The following ABCG2 variants were observed in gnomAD, a reference collection of about 807,000 sequenced individuals.
ABCG2 encodes ATP binding cassette subfamily G member 2 (JR blood group).
Under a neutral mutation model 73.5 loss-of-function variants are expected in ABCG2, and 80 were observed. The ratio of observed to expected loss-of-function variants is 1.09; its 90% CI spans 0.91 to 1.31. The LOEUF (loss-of-function observed/expected upper bound fraction) is 1.31. Ranked by LOEUF, ABCG2 falls within the 50% of genes most tolerant of loss-of-function variation. The probability of loss-of-function intolerance (pLI) is 0.00; values close to 1 mark genes in which losing one functional copy is unlikely to be tolerated. For synonymous variants in ABCG2, 269 were observed against 282.4 expected, an observed-to-expected ratio of 0.95 and a Z score of 0.48; for missense variants, 796 against 786.2, an observed-to-expected ratio of 1.01 and a Z score of -0.15.
upstream of ABCG2, chr4:88,159,399 T>C: frequency 2.8e-6 from 1 of 351,268 alleles, no homozygotes; most frequent in African/African-American, 2.2e-5. Context: ...GCACTGAATC[T>C]AACCCAAGGA....
chr4:88,139,978 G>T lies in ABCG2; in HGVS notation c.18C>A (p.Val6=), dbSNP rs145881726. 1 of 1,613,960 alleles carries T rather than the reference G, an allele frequency of 6.2e-7. No homozygotes were observed. Among genetic ancestry groups the T allele is most frequent in the East Asian group, 2.2e-5 (1 of 44,880 alleles). Residue 6 remains valine (V), a synonymous_variant, in exon 2 of 16, where the codon GTC becomes GTA. Transcript: ENST00000237612. ...CTTGTGACACTGGGATAAAAACTTC[G>T]ACATTACTGGAAGACATCTGGAGAG... MSSSN[V]EVFIPVSQGN... is the part of the protein sequence containing the mutation.
In ABCG2 at chr4:88,143,600, G is replaced by C. The variant is rs45451603; in HGVS notation, c.-19-3586C>G. Among the ~76,000 whole-genome samples, 164 of 152,236 alleles carry C rather than the reference G, an allele frequency of 1.1e-3. 1 individual carries two copies. Among genetic ancestry groups the C allele is most frequent in the African/African-American group, 3.5e-3 (147 of 41,536 alleles). On this transcript the variant is annotated intron_variant, in intron 1 of 15. Coordinates refer to ENST00000237612, the MANE Select transcript of ABCG2 (RefSeq NM_004827.3). ...TCACAATCTTAGAAGTGCCTGCAGAGAAAGAGTTTGCCTTTCCTGTGATAG... is the reference window on the plus strand; with the variant it reads ...TCACAATCTTAGAAGTGCCTGCAGACAAAGAGTTTGCCTTTCCTGTGATAG...
intron 1 of ABCG2, among the ~76,000 whole-genome samples, chr4:88,198,556 C>T (rs1392462963): frequency 6.6e-6 from 1 of 151,904 alleles, no homozygotes; most frequent in Admixed American, 6.6e-5. Flanking sequence ...TCACTTGAGC[C>T]CAGGAGTTTG....
In ABCG2 at chr4:88,106,558, T is replaced by A. The variant is rs374484078; in HGVS notation, c.1277+626A>T. Among the ~76,000 whole-genome samples the A allele has an allele frequency of 3.2e-4, 48 of 152,132 alleles. No homozygotes were observed. The South Asian group carries it at 1.0e-2, about 32-fold the overall frequency. ...TTCCACTTATATGAGGGTCTTAGAGTAGTCAAGTTCAGAGACAGAAAGTAG... is the reference window on the plus strand; with the variant it reads ...TTCCACTTATATGAGGGTCTTAGAGAAGTCAAGTTCAGAGACAGAAAGTAG... On this transcript the variant is annotated intron_variant, in intron 10 of 15. Coordinates refer to ENST00000237612, the MANE Select transcript of ABCG2 (RefSeq NM_004827.3).
At chr4:88,206,779 A>T (rs1261313887) in intron 1 of ABCG2, among the ~76,000 whole-genome samples, 1 of 152,160 alleles carries the variant, frequency 6.6e-6, no homozygotes, top group East Asian at 1.9e-4. Context: ...TGAGCTCTTA[A>T]CATTTATTCT....
In ABCG2 at chr4:88,092,090, A is replaced by C; in HGVS notation, c.*144T>G. 1 of 742,736 alleles carries C rather than the reference A, an allele frequency of 1.3e-6. No homozygotes were observed. Among genetic ancestry groups the C allele is most frequent in the East Asian group, 2.8e-5 (1 of 35,862 alleles). The allele number at this position is 742,736 out of a possible 1,614,324, so 46.0% of individuals were successfully genotyped here. A position where few individuals can be genotyped will look rare whatever the true frequency, so the allele number is the denominator to read the frequency against. On this transcript the variant is annotated 3_prime_UTR_variant, in exon 16 of 16. Transcript: ENST00000237612. ...TTAATTCAGTTTGTTGTGATTTCTA[A>C]AAATGTATCTCTTTAAAACAATTGC...
intron 1 of ABCG2, among the ~76,000 whole-genome samples, chr4:88,182,535 A>G (rs1418687779): frequency 2.0e-5 from 3 of 152,198 alleles, no homozygotes; most frequent in South Asian, 2.1e-4. Context: ...AAAAAAAATC[A>G]CAATTACCTC....
intron 1 of ABCG2, among the ~76,000 whole-genome samples, chr4:88,211,255 G>C (rs764290424): frequency 1.6e-4 from 24 of 149,444 alleles, no homozygotes; most frequent in Admixed American, 1.0e-3. Context: ...GCACGTGCTT[G>C]TTTGTTACAT....
chr4:88,093,798 TTC>T (rs1721808128), intron 15 of ABCG2, among the ~76,000 whole-genome samples: 1 of 152,198 alleles, frequency 6.6e-6, no homozygotes. Flanking sequence ...ACATTCTCTT[TTC>T]TCTCATTAAT....
At chr4:88,109,469 C>A (rs1722985245) in intron 9 of ABCG2, among the ~76,000 whole-genome samples, 1 of 152,144 alleles carries the variant, frequency 6.6e-6, no homozygotes, top group Non-Finnish European at 1.5e-5. Context: ...AATCCCGTAA[C>A]CTTGGCATGC....
intron 5 of ABCG2, among the ~76,000 whole-genome samples, chr4:88,122,561 G>T (rs1468835100): frequency 6.6e-6 from 1 of 152,180 alleles, no homozygotes; most frequent in African/African-American, 2.4e-5. Flanking sequence ...TTCGAACTGG[G>T]TAGAGCCGAC....
rs935373446 is a variant in ABCG2, at chr4:88,172,659, G to C, written c.-19-32645C>G. Among the ~76,000 whole-genome samples, 16 of 151,934 alleles carry C rather than the reference G, an allele frequency of 1.1e-4. No individual in the cohort carries two copies. In the East Asian group the frequency reaches 2.5e-3, roughly 24 times the overall value. ...ACTTGTGGTTTTTCAATCATACAAAGAATGTAGATTCAGATCCCAAACCAC... is the reference window on the plus strand; with the variant it reads ...ACTTGTGGTTTTTCAATCATACAAACAATGTAGATTCAGATCCCAAACCAC... On this transcript the variant is annotated intron_variant, in intron 1 of 15. Transcript: ENST00000515655.
In ABCG2 at chr4:88,119,687, T is replaced by C. The variant is rs190154961; in HGVS notation, c.690-1427A>G. On this transcript the variant is annotated intron_variant, in intron 6 of 15. Transcript: ENST00000237612. Reference sequence around the variant, plus strand: ...TGTGGAACTATGAACTTGAGAGAGATGATTTAGAGCATCTGGTAGAAGAAA... The same window carrying C: ...TGTGGAACTATGAACTTGAGAGAGACGATTTAGAGCATCTGGTAGAAGAAA... Among the ~76,000 whole-genome samples the C allele has an allele frequency of 1.4e-3, 215 of 152,304 alleles. 3 individuals are homozygous for C. The highest frequency in any genetic ancestry group is 0.012 in the South Asian group (58 of 4,826).
At chr4:88,177,152 C>CAT (rs1728024473) in intron 1 of ABCG2, among the ~76,000 whole-genome samples, 1 of 152,074 alleles carries the variant, frequency 6.6e-6, no homozygotes, top group South Asian at 2.1e-4. Context: ...GTGGGCGGAT[C>CAT]GCAAGGTCAG....
intron 9 of ABCG2, among the ~76,000 whole-genome samples, chr4:88,111,956 G>A (rs560001101): frequency 1.3e-5 from 2 of 151,898 alleles, no homozygotes; most frequent in Non-Finnish European, 2.9e-5. Context: ...GTGTTGTGGT[G>A]CACGGCTGTA....
At chr4:88,125,651 G>A (rs1448983670) in intron 5 of ABCG2, among the ~76,000 whole-genome samples, 1 of 141,442 alleles carries the variant, frequency 7.1e-6, no homozygotes, top group African/African-American at 2.6e-5. Flanking sequence ...AGAACTACAC[G>A]GAAACTGAAC....
intron 1 of ABCG2, among the ~76,000 whole-genome samples, chr4:88,200,874 A>T (rs994676074): frequency 6.6e-6 from 1 of 152,112 alleles, no homozygotes; most frequent in African/African-American, 2.4e-5. Flanking sequence ...GCAACAATAT[A>T]CTCAATTGTA....
intron 5 of ABCG2, among the ~76,000 whole-genome samples, chr4:88,125,742 A>G (rs1006753014): frequency 7.2e-5 from 11 of 152,152 alleles, no homozygotes; most frequent in African/African-American, 2.7e-4. Flanking sequence ...ATGAGAACAA[A>G]GACACAACGT....
chr4:88,189,788 C>T (rs1728609890), intron 1 of ABCG2, among the ~76,000 whole-genome samples: 1 of 152,116 alleles, frequency 6.6e-6, no homozygotes, highest in East Asian at 1.9e-4. Context: ...ATGTAAGTGG[C>T]AAAATCAGGC....
Sources: allele counts gnomAD v4.1 joint callset (sites outside exome capture counted in the v4.1 genomes callset), GRCh38; gene constraint gnomAD v4.1.1; transcripts MANE v1.5; gene names NCBI Gene and HGNC (gene_info 2026-07-23, HGNC 2026-07-21).